RBFOX3: variants seen among roughly 807,000 people sequenced by gnomAD.
The protein encoded by RBFOX3 is RNA binding fox-1 homolog 3.
RBFOX3 carries 17 observed loss-of-function variants against 48.7 expected under a neutral mutation model. That is an observed-to-expected ratio of 0.35 (90% CI 0.24 to 0.52). The LOEUF (loss-of-function observed/expected upper bound fraction) is 0.52, where lower values mean the gene tolerates loss of function less well. RBFOX3 is among the 20% of genes least tolerant of loss of function. The pLI is 0.94. For missense variants in RBFOX3, 382 were observed against 497.5 expected (o/e 0.77, Z 2.21); for synonymous variants, 212 against 209.5 (o/e 1.01, Z -0.10).
chr17:79,472,767 T>C (rs1213043008), intron 2 of RBFOX3, among the ~76,000 whole-genome samples: 1 of 152,238 alleles, frequency 6.6e-6, no homozygotes, highest in Non-Finnish European at 1.5e-5. Context: ...CCTGGGTCTG[T>C]TGGTCAGTGG....
At chr17:79,333,470 C>T (rs1220906170) in intron 2 of RBFOX3, among the ~76,000 whole-genome samples, 1 of 152,052 alleles carries the variant, frequency 6.6e-6, no homozygotes, top group Non-Finnish European at 1.5e-5. Context: ...AAAATGGAGA[C>T]CGAGTACAGT....
intron 2 of RBFOX3, among the ~76,000 whole-genome samples, chr17:79,373,440 A>G (rs907911): frequency 0.78 from 118,316 of 152,154 alleles, 47,393 homozygotes; most frequent in Non-Finnish European, 0.88. Context: ...GAATGGCAGC[A>G]CCAGCCTGAA....
chr17:79,533,210 C>T (rs2088116242), intron 1 of RBFOX3, among the ~76,000 whole-genome samples: 1 of 152,242 alleles, frequency 6.6e-6, no homozygotes, highest in South Asian at 2.1e-4. Flanking sequence ...TTCATGGCCT[C>T]TGCCCTGTGT....
At chr17:79,258,287 C>T (rs933927142) in intron 3 of RBFOX3, among the ~76,000 whole-genome samples, 2 of 152,170 alleles carry the variant, frequency 1.3e-5, no homozygotes, top group Non-Finnish European at 2.9e-5. Context: ...CAGCAGCCTC[C>T]AGTGATACGC....
At chr17:79,379,517 T>G (rs998541668) in intron 2 of RBFOX3, among the ~76,000 whole-genome samples, 1 of 152,190 alleles carries the variant, frequency 6.6e-6, no homozygotes, top group Admixed American at 6.5e-5. Flanking sequence ...TAAGCACGGA[T>G]GGCTGTTTTG....
chr17:79,565,329 C>A (rs919628889), intron 1 of RBFOX3, among the ~76,000 whole-genome samples: 40 of 150,438 alleles, frequency 2.7e-4, no homozygotes, highest in Admixed American at 2.6e-3. Context: ...GCAAACAATA[C>A]ATTTAGGACA....
chr17:79,322,881 C>T lies in RBFOX3; in HGVS notation c.-174-15057G>A, dbSNP rs75553574. On this transcript the variant is annotated intron_variant, in intron 2 of 14. Transcript: ENST00000693108. The stretch of plus-strand genomic sequence containing the variant: ...TTGCCTTCCCAGCTGTCTACACAGC[C>T]GACTGTCTACACAGCTCAATTGCAA... Among the ~76,000 whole-genome samples the T allele has an allele frequency of 1.4e-4, 22 of 152,334 alleles. No homozygotes were observed. The East Asian group carries it at 2.5e-3, about 17-fold the overall frequency.
intron 2 of RBFOX3, among the ~76,000 whole-genome samples, chr17:79,349,927 G>T (rs1466863384): frequency 6.6e-6 from 1 of 152,156 alleles, no homozygotes; most frequent in Admixed American, 6.5e-5. Flanking sequence ...TAGGCCACGT[G>T]GCCCACACCC....
At chr17:79,345,433 T>C (rs180912410) in intron 2 of RBFOX3, among the ~76,000 whole-genome samples, 8 of 152,328 alleles carry the variant, frequency 5.3e-5, no homozygotes, top group Non-Finnish European at 8.8e-5. Context: ...ATTTATGCTG[T>C]CCTTCTTATG....
chr17:79,491,866 G>T (rs1420376669), intron 1 of RBFOX3, among the ~76,000 whole-genome samples: 2 of 152,176 alleles, frequency 1.3e-5, no homozygotes, highest in East Asian at 3.8e-4. Context: ...GATCACTTGA[G>T]GTCAGGAGTT....
At position 79,535,209 on chromosome 17, in the gene RBFOX3, G is replaced by T. The variant is rs1338331108; in HGVS notation, c.-319-52611C>A. Among the ~76,000 whole-genome samples, 1 of 152,166 alleles carries T rather than the reference G, an allele frequency of 6.6e-6. No individual in the cohort carries two copies. The highest frequency in any genetic ancestry group is 1.5e-5 in the Non-Finnish European group (1 of 68,032). ...CCCTCAATGTAGGCCTCCCCCTTGG[G>T]CTAGAAGCAGCAGCTCCACGGCAAC... On this transcript the variant is annotated intron_variant, in intron 1 of 14. Transcript: ENST00000693108. The surrounding 1 kb of genome is among the most constrained non-coding windows in gnomAD (Gnocchi z 4.5).
chr17:79,297,233 C>T (rs1344390556), intron 3 of RBFOX3, among the ~76,000 whole-genome samples: 1 of 152,166 alleles, frequency 6.6e-6, no homozygotes, highest in Admixed American at 6.5e-5. Flanking sequence ...ACACCCTGGA[C>T]TCCCATCTAG....
intron 3 of RBFOX3, among the ~76,000 whole-genome samples, chr17:79,262,144 A>G (rs2065888669): frequency 6.6e-6 from 1 of 152,204 alleles, no homozygotes; most frequent in South Asian, 2.1e-4. Flanking sequence ...TGCTCTGGAA[A>G]AGCCTCTCGT....
chr17:79,227,369 G>A (rs2060429611), intron 4 of RBFOX3, among the ~76,000 whole-genome samples: 1 of 152,218 alleles, frequency 6.6e-6, no homozygotes, highest in East Asian at 1.9e-4. Flanking sequence ...ACCAGATGGA[G>A]GTGTCCCCAT....
intron 1 of RBFOX3, among the ~76,000 whole-genome samples, chr17:79,495,633 G>C (rs1170493468): frequency 9.2e-6 from 1 of 109,282 alleles, no homozygotes; most frequent in Non-Finnish European, 2.2e-5. Flanking sequence ...AAGGGTACTG[G>C]GGCAGGGATG....
intron 2 of RBFOX3, among the ~76,000 whole-genome samples, chr17:79,354,188 C>A (rs1318502681): frequency 6.6e-6 from 1 of 152,130 alleles, no homozygotes; most frequent in African/African-American, 2.4e-5. Context: ...GTCCAGGGCT[C>A]ACAGGAGGAT....
At chr17:79,386,282 C>T (rs1156771200) in intron 2 of RBFOX3, among the ~76,000 whole-genome samples, 8 of 149,380 alleles carry the variant, frequency 5.4e-5, no homozygotes, top group African/African-American at 1.7e-4. Flanking sequence ...TCACCTCCCA[C>T]AGCAGACAGG....
At chr17:79,636,428 T>C in the RBFOX3 span, among the ~76,000 whole-genome samples, 19 of 152,268 alleles carry the variant, frequency 1.2e-4, no homozygotes, top group African/African-American at 4.3e-4. Context: ...TTTTAACTTT[T>C]CTATACTGTT....
At chr17:79,321,815 C>T (rs1042328309) in intron 2 of RBFOX3, among the ~76,000 whole-genome samples, 2 of 151,414 alleles carry the variant, frequency 1.3e-5, no homozygotes, top group Non-Finnish European at 2.9e-5. Context: ...AAGCAAATCT[C>T]CAGCCTCAGC....
Sources: allele counts gnomAD v4.1 joint callset (sites outside exome capture counted in the v4.1 genomes callset), GRCh38; gene constraint gnomAD v4.1.1; non-coding constraint Gnocchi (gnomAD v3.1); transcripts MANE v1.5; gene names NCBI Gene and HGNC (gene_info 2026-07-23, HGNC 2026-07-21).